The following LRP6 variants were observed in gnomAD, a reference collection of about 807,000 sequenced individuals.
The protein encoded by LRP6 is LDL receptor related protein 6.
A neutral mutation model predicts 184.1 loss-of-function variants in LRP6; 43 were observed. That is an observed-to-expected ratio of 0.23 (90% CI 0.18 to 0.30). LRP6 has a LOEUF of 0.30. Ranked by LOEUF, LRP6 falls within the 10% of genes least tolerant of loss-of-function variation. The pLI, the probability that LRP6 is intolerant of heterozygous loss-of-function variation, is 1.00. For synonymous variants in LRP6, 719 were observed against 684.9 expected (o/e 1.05, Z -0.78); for missense variants, 1,571 against 2,005.3 (o/e 0.78, Z 4.14).
At chr12:12,196,253 G>A (rs1255745735) in intron 3 of LRP6, among the ~76,000 whole-genome samples, 2 of 151,194 alleles carry the variant, frequency 1.3e-5, no homozygotes, top group African/African-American at 4.9e-5. Flanking sequence ...ATTTTAATAG[G>A]GACTCCACTG....
Position 12,159,098 on chromosome 12 carries a change from T to A in LRP6, c.2522A>T (p.Tyr841Phe). The A allele has an allele frequency of 1.2e-6, 2 of 1,614,196 alleles. No homozygotes were observed. Among genetic ancestry groups the A allele is most frequent in the Non-Finnish European group, 1.7e-6 (2 of 1,180,032 alleles). ...DLPHPFGLTQ[Y>F]QDYIYWTDWS... is the part of the protein sequence containing the mutation. Reference sequence around the variant, plus strand: ...GTCCGTCCAGTAGATATAATCTTGGTACTGAGTTAAGCCAAAAGGATGAGG... The same window carrying A: ...GTCCGTCCAGTAGATATAATCTTGGAACTGAGTTAAGCCAAAAGGATGAGG... Residue 841 changes from tyrosine (Y) to phenylalanine (F), a missense_variant, in exon 12 of 23, where the codon TAC becomes TTC. Physicochemically the swap from Tyr to Phe is conservative, Grantham distance 22 (BLOSUM62 3). Around this residue, in one of 4 missense-constraint regions of LRP6, gnomAD observed 158 missense variants for 258.4 expected, o/e 0.61. Coordinates refer to ENST00000261349, the MANE Select transcript of LRP6 (RefSeq NM_002336.3).
At chr12:12,194,213 T>C (rs1863692156) in intron 3 of LRP6, among the ~76,000 whole-genome samples, 1 of 152,050 alleles carries the variant, frequency 6.6e-6, no homozygotes, top group South Asian at 2.1e-4. Context: ...AATCCCTTTA[T>C]TAAAAAAACC....
chr12:12,160,030 C>A, intron 10 of LRP6, 66 bp from the exon 11 acceptor site: 1 of 1,153,790 alleles, frequency 8.7e-7, no homozygotes. Flanking sequence ...GAGTCATATT[C>A]ATGCAAAGTA....
At chr12:12,225,809 T>C (rs1591964671) in intron 2 of LRP6, among the ~76,000 whole-genome samples, 1 of 148,294 alleles carries the variant, frequency 6.7e-6, no homozygotes, top group Non-Finnish European at 1.5e-5. Context: ...GAGGCAGAGG[T>C]TGCACTGAGC....
chr12:12,209,512 T>A (rs1864150912), intron 2 of LRP6, among the ~76,000 whole-genome samples: 1 of 152,028 alleles, frequency 6.6e-6, no homozygotes. Flanking sequence ...TTGACGAAAA[T>A]TAGCATTTTT....
intron 2 of LRP6, among the ~76,000 whole-genome samples, chr12:12,241,345 G>A (rs529103339): frequency 1.0e-3 from 158 of 152,210 alleles, no homozygotes; most frequent in Non-Finnish European, 1.7e-3. Context: ...GACAAATGAT[G>A]TACTCTACCT....
At chr12:12,149,239 G>A in intron 13 of LRP6, 86 bp from the exon 14 acceptor site, 2 of 1,001,570 alleles carry the variant, frequency 2.0e-6, no homozygotes, top group East Asian at 2.4e-5. Flanking sequence ...ACACCTACAT[G>A]GGCACACAGC....
chr12:12,174,246 G>A (rs1023058205), intron 7 of LRP6, among the ~76,000 whole-genome samples: 3 of 151,984 alleles, frequency 2.0e-5, no homozygotes, highest in African/African-American at 4.8e-5. Context: ...TAAATAGCTG[G>A]GATTACAGGC....
At chr12:12,200,737 G>A (rs1036160714) in intron 3 of LRP6, among the ~76,000 whole-genome samples, 6 of 151,962 alleles carry the variant, frequency 3.9e-5, no homozygotes, top group Non-Finnish European at 7.4e-5. Flanking sequence ...GTCCTTTATG[G>A]CAACCTTTAC....
At chr12:12,158,728 G>T in intron 12 of LRP6, 101 bp downstream of exon 12, 1 of 1,175,116 alleles carries the variant, frequency 8.5e-7, no homozygotes. Flanking sequence ...ACCCCCTCTG[G>T]ATTTCCACAC....
intron 7 of LRP6, among the ~76,000 whole-genome samples, chr12:12,172,694 T>C (rs1863076872): frequency 6.6e-6 from 1 of 152,190 alleles, no homozygotes; most frequent in Non-Finnish European, 1.5e-5. Flanking sequence ...GGGGAGCATA[T>C]TTTTTCTGAT....
At chr12:12,193,082 G>A (rs79359989) in intron 3 of LRP6, among the ~76,000 whole-genome samples, 6,249 of 151,896 alleles carry the variant, frequency 0.041, 176 homozygotes, top group Middle Eastern at 0.14. Context: ...AGAAATCAAC[G>A]GAAGAAAATT....
At chr12:12,223,551 G>A (rs1864543232) in intron 2 of LRP6, among the ~76,000 whole-genome samples, 1 of 152,008 alleles carries the variant, frequency 6.6e-6, no homozygotes, top group East Asian at 1.9e-4. Context: ...TAATACATAG[G>A]TATGGGCCTA....
At chr12:12,246,899 T>C (rs1158909142) in intron 1 of LRP6, among the ~76,000 whole-genome samples, 2 of 152,240 alleles carry the variant, frequency 1.3e-5, no homozygotes, top group African/African-American at 4.8e-5. Flanking sequence ...TATACTATTT[T>C]CATCTATAAG....
At chr12:12,195,852 G>A (rs371617771) in intron 3 of LRP6, among the ~76,000 whole-genome samples, 1 of 152,040 alleles carries the variant, frequency 6.6e-6, no homozygotes. Flanking sequence ...GATCCATTTT[G>A]AGTTGATTTT....
At chr12:12,233,956 G>A (rs1198108526) in intron 2 of LRP6, among the ~76,000 whole-genome samples, 1 of 152,064 alleles carries the variant, frequency 6.6e-6, no homozygotes, top group Non-Finnish European at 1.5e-5. Context: ...AAAAAACAAT[G>A]AGGAAGATCT....
In LRP6 at chr12:12,262,179, G is replaced by A. The variant is rs199840312; in HGVS notation, c.55+4502C>T. Among the ~76,000 whole-genome samples, 25 of 152,260 alleles carry A rather than the reference G, an allele frequency of 1.6e-4. No homozygotes were observed. The East Asian group carries it at 4.4e-3, about 27-fold the overall frequency. On this transcript the variant is annotated intron_variant, in intron 1 of 22. Transcript: ENST00000261349. ...GGATAACTTGAGGTCAGGAGTTCAA[G>A]ATCATCCTGACCAATATGGTGAAAG...
At chr12:12,182,799 T>C (rs561487390) in intron 5 of LRP6, among the ~76,000 whole-genome samples, 23 of 152,320 alleles carry the variant, frequency 1.5e-4, no homozygotes, top group Admixed American at 3.3e-4. Context: ...AAAGAAGTCA[T>C]AGAGCTGTTA....
intron 1 of LRP6, among the ~76,000 whole-genome samples, chr12:12,256,167 A>G (rs1395023876): frequency 6.6e-6 from 1 of 152,226 alleles, no homozygotes; most frequent in Non-Finnish European, 1.5e-5. Context: ...AATTTAGTAA[A>G]AAGATTTAAC....
Sources: allele counts gnomAD v4.1 joint callset (sites outside exome capture counted in the v4.1 genomes callset), GRCh38; gene constraint gnomAD v4.1.1; regional missense constraint gnomAD v4.1.1; transcripts MANE v1.5; gene names NCBI Gene and HGNC (gene_info 2026-07-23, HGNC 2026-07-21).